Variants in MAGI1 observed in about 807,000 individuals in gnomAD.
MAGI1 encodes the protein membrane-associated guanylate kinase, WW and PDZ domain-containing protein 1.
Under a neutral mutation model 139.9 loss-of-function variants are expected in MAGI1, and 58 were observed. That is an observed-to-expected ratio of 0.41 (90% CI 0.34 to 0.52). The LOEUF (loss-of-function observed/expected upper bound fraction) is 0.52. MAGI1 is among the 20% of genes least tolerant of loss of function. MAGI1 has a pLI of 0.12. For synonymous variants in MAGI1, 812 were observed against 737.9 expected, an observed-to-expected ratio of 1.10 and a Z score of -1.63; for missense variants, 1,874 against 1,901.6, an observed-to-expected ratio of 0.99 and a Z score of 0.27.
intron 1 of MAGI1, among the ~76,000 whole-genome samples, chr3:65,645,979 A>C (rs1178267006): frequency 2.0e-5 from 3 of 152,210 alleles, no homozygotes; most frequent in African/African-American, 7.2e-5. Context: ...AAGAATAAAA[A>C]AGAAAATAAA....
rs199909322 is a variant in MAGI1 at position 65,429,931 on chromosome 3, G to C, written c.1756C>G (p.Gln586Glu). The C allele has an allele frequency of 6.2e-6, 10 of 1,613,960 alleles. No homozygotes were observed. The highest frequency in any genetic ancestry group is 1.1e-5 in the South Asian group (1 of 91,086). The change falls in exon 12 of 23, where the codon CAA becomes GAA. Residue 586 changes from glutamine (Q) to glutamate (E), a missense_variant. By Grantham distance (29) the Gln-to-Glu change is conservative. This residue lies in a region of MAGI1 where 482 missense variants were observed against 509.6 expected (regional missense o/e 0.95). Coordinates refer to ENST00000402939, the MANE Select transcript of MAGI1 (RefSeq NM_001033057.2). ...LDKEPIIVNGQETYDSPASHS... is the reference protein window; with the variant it reads ...LDKEPIIVNGEETYDSPASHS... ...CTAGCTGGTGAATCATAGGTCTCTTGCCCATTCACAATAATTGGTTCTTTA... is the reference window on the plus strand; with the variant it reads ...CTAGCTGGTGAATCATAGGTCTCTTCCCCATTCACAATAATTGGTTCTTTA...
intron 1 of MAGI1, among the ~76,000 whole-genome samples, chr3:65,913,152 TCAGCAGGCTGAGGCA>T (rs1289182563): frequency 6.6e-6 from 1 of 151,924 alleles, no homozygotes; most frequent in Non-Finnish European, 1.5e-5. Context: ...TCCCAGATAC[TCAGCAGGCTGAGGCA>T]CAGGAGGCGG....
intron 1 of MAGI1, among the ~76,000 whole-genome samples, chr3:65,694,917 AC>A (rs1164482124): frequency 6.6e-6 from 1 of 152,154 alleles, no homozygotes; most frequent in African/African-American, 2.4e-5. Flanking sequence ...CTACTGAATT[AC>A]TTTTTTTGTG....
chr3:65,752,954 G>T (rs2036270509), intron 1 of MAGI1, among the ~76,000 whole-genome samples: 2 of 152,030 alleles, frequency 1.3e-5, no homozygotes, highest in Non-Finnish European at 2.9e-5. Flanking sequence ...ACTTGTCCTG[G>T]CTGTATTCAA....
intron 2 of MAGI1, among the ~76,000 whole-genome samples, chr3:65,612,242 C>T (rs2083162845): frequency 6.6e-6 from 1 of 151,912 alleles, no homozygotes; most frequent in African/African-American, 2.4e-5. Flanking sequence ...ATCAAATTTA[C>T]AGAACAGTGC....
intron 1 of MAGI1, among the ~76,000 whole-genome samples, chr3:65,956,780 T>C (rs2064148096): frequency 6.6e-6 from 1 of 152,052 alleles, no homozygotes; most frequent in Non-Finnish European, 1.5e-5. Flanking sequence ...GGAGGACCAC[T>C]TGAGGTCAGA....
intron 1 of MAGI1, among the ~76,000 whole-genome samples, chr3:66,023,753 T>C (rs1446803149): frequency 6.6e-6 from 1 of 152,220 alleles, no homozygotes; most frequent in Admixed American, 6.5e-5. Context: ...CATTCGTTCT[T>C]GTTGGTAAAG....
intron 1 of MAGI1, among the ~76,000 whole-genome samples, chr3:65,800,566 G>A (rs566058143): frequency 6.6e-6 from 1 of 152,008 alleles, no homozygotes; most frequent in East Asian, 1.9e-4. Flanking sequence ...AACATGGACT[G>A]CTTCAAACAA....
chr3:65,432,951 C>A (rs1947572839), intron 10 of MAGI1, among the ~76,000 whole-genome samples: 1 of 152,154 alleles, frequency 6.6e-6, no homozygotes, highest in African/African-American at 2.4e-5. Flanking sequence ...ATCCCTTTTT[C>A]CTGCTTTATT....
At chr3:65,536,060 C>T (rs1046012155) in intron 2 of MAGI1, among the ~76,000 whole-genome samples, 1 of 152,222 alleles carries the variant, frequency 6.6e-6, no homozygotes. Context: ...GACCTTTACA[C>T]ACCATATGCA....
At chr3:65,999,116 T>C (rs995044944) in intron 1 of MAGI1, among the ~76,000 whole-genome samples, 4 of 151,972 alleles carry the variant, frequency 2.6e-5, no homozygotes, top group Non-Finnish European at 5.9e-5. Context: ...GATGTGCAGG[T>C]TTGTTAGGTA....
intron 1 of MAGI1, among the ~76,000 whole-genome samples, chr3:65,704,399 A>T (rs1244636535): frequency 6.6e-6 from 1 of 152,146 alleles, no homozygotes; most frequent in Admixed American, 6.6e-5. Flanking sequence ...TACCCTTTCC[A>T]GTGGGAAGCT....
chr3:65,657,470 T>A (rs1196495599), intron 1 of MAGI1, among the ~76,000 whole-genome samples: 2 of 150,922 alleles, frequency 1.3e-5, no homozygotes, highest in Non-Finnish European at 3.0e-5. Context: ...TGTCTTTGAA[T>A]TAAGAGGAGT....
chr3:65,953,904 T>C (rs2063984653), intron 1 of MAGI1, among the ~76,000 whole-genome samples: 1 of 152,250 alleles, frequency 6.6e-6, no homozygotes, highest in Non-Finnish European at 1.5e-5. Context: ...CAATAAATGT[T>C]TGTGGAACTG....
At chr3:65,555,729 G>A (rs574030370) in intron 2 of MAGI1, among the ~76,000 whole-genome samples, 6 of 152,068 alleles carry the variant, frequency 3.9e-5, no homozygotes, top group South Asian at 2.1e-4. Flanking sequence ...ATAGTGATGC[G>A]TGCCTGTGGT....
chr3:65,774,705 A>C (rs1191055656), intron 1 of MAGI1, among the ~76,000 whole-genome samples: 2 of 152,184 alleles, frequency 1.3e-5, no homozygotes, highest in Non-Finnish European at 2.9e-5. Flanking sequence ...GTGATGAACA[A>C]GTACATGGAA....
chr3:65,508,872 T>A (rs1349335676), intron 2 of MAGI1, among the ~76,000 whole-genome samples: 1 of 152,230 alleles, frequency 6.6e-6, no homozygotes, highest in Admixed American at 6.5e-5. Context: ...CCATCTGATT[T>A]GTCATCCCTG....
At chr3:65,717,077 G>A (rs1399410864) in intron 1 of MAGI1, among the ~76,000 whole-genome samples, 1 of 152,184 alleles carries the variant, frequency 6.6e-6, no homozygotes, top group Non-Finnish European at 1.5e-5. Flanking sequence ...TGGATTATCT[G>A]GATGGGCAAA....
At chr3:65,475,837 G>A (rs1950862430) in intron 4 of MAGI1, among the ~76,000 whole-genome samples, 1 of 151,936 alleles carries the variant, frequency 6.6e-6, no homozygotes, top group Non-Finnish European at 1.5e-5. Flanking sequence ...TCTTTTGTCT[G>A]CACAGTCCCA....
Sources: allele counts gnomAD v4.1 joint callset (sites outside exome capture counted in the v4.1 genomes callset), GRCh38; gene constraint gnomAD v4.1.1; regional missense constraint gnomAD v4.1.1; transcripts MANE v1.5; gene names NCBI Gene and HGNC (gene_info 2026-07-23, HGNC 2026-07-21).